The following ERMAP variants were observed in gnomAD, a reference collection of about 807,000 sequenced individuals.
ERMAP encodes erythroblast membrane associated protein (Scianna blood group).
In ERMAP, 34 loss-of-function variants were observed where a neutral mutation model predicts 49.5. The observed-to-expected ratio is 0.69, with a 90% CI of 0.52 to 0.91. ERMAP has a LOEUF of 0.91. Among genes scored for constraint, ERMAP ranks in the 40% least tolerant of loss-of-function variants. The pLI is 0.00. For missense variants in ERMAP, 541 were observed against 582.6 expected (o/e 0.93, Z 0.74); for synonymous variants, 214 against 232.2 (o/e 0.92, Z 0.71).
At chr1:42,830,328 G>A (rs534605157) in intron 2 of ERMAP, 116 bp from the exon 3 acceptor site, 27 of 834,260 alleles carry the variant, frequency 3.2e-5, no homozygotes, top group South Asian at 2.1e-4. Flanking sequence ...TTGGAGCCCC[G>A]GCCTTTGTGA....
intron 3 of ERMAP, 68 bp downstream of exon 3, chr1:42,830,601 T>A (rs1402343851): frequency 3.2e-6 from 5 of 1,561,504 alleles, no homozygotes; most frequent in Non-Finnish European, 4.4e-6. Flanking sequence ...ATAAGGAAGC[T>A]TGGCTGGAAA....
At chr1:42,838,989 TCA>T (rs1350559021) in intron 8 of ERMAP, 68 bp downstream of exon 8, 1 of 1,612,932 alleles carries the variant, frequency 6.2e-7, no homozygotes, top group Admixed American at 1.7e-5. Flanking sequence ...GATGAGCATC[TCA>T]GTTTCACTTC....
In ERMAP at chr1:42,835,053, GTC is replaced by G; in HGVS notation, c.454_455del (p.Ser152ProfsTer37). The G allele has an allele frequency of 6.8e-7, 1 of 1,466,504 alleles. No homozygotes were observed. Among genetic ancestry groups the G allele is most frequent in the Non-Finnish European group, 9.6e-7 (1 of 1,045,056 alleles). The allele number at this position is 1,466,504 out of a possible 1,614,324, so 90.8% of individuals were successfully genotyped here. A position where few individuals can be genotyped will look rare whatever the true frequency, so the allele number is the denominator to read the frequency against. ...TCTGTTTCAGCCCCATCTGTGGGGA[GTC>G]TCTCCCCCTCAGCAGTGGCTCTGGC... On this transcript the variant is annotated frameshift_variant, in exon 5 of 12. Transcript: ENST00000372517. LOFTEE classifies it high-confidence loss of function.
Position 42,817,153 on chromosome 1 carries a change from G to A in ERMAP, c.-222G>A, listed in dbSNP as rs1247852044. 1.1e-5 allele frequency: 13 copies of A among 1,199,762 alleles called. No homozygotes were observed. The highest frequency in any genetic ancestry group is 3.3e-5 in the African/African-American group (2 of 61,026). The allele number at this position is 1,199,762 out of a possible 1,614,324, so 74.3% of individuals were successfully genotyped here. A position where few individuals can be genotyped will look rare whatever the true frequency, so the allele number is the denominator to read the frequency against. On this transcript the variant is annotated 5_prime_UTR_variant, in exon 1 of 12. Transcript: ENST00000372517. The stretch of plus-strand genomic sequence containing the variant: ...CCTCTCCTGGAGGAAAATGGCGGTC[G>A]CTGGAGCCGCCGACCAAGAGGCTTG...
chr1:42,839,656 CATTA>C, intron 8 of ERMAP: 3 of 285,446 alleles, frequency 1.1e-5, no homozygotes, highest in East Asian at 1.4e-4. Flanking sequence ...CATATCTATG[CATTA>C]ATTATTACAT....
rs371514846 is a variant in ERMAP, at chr1:42,843,143, C to G, written c.1339C>G (p.Pro447Ala). The G allele has an allele frequency of 2.5e-6, 4 of 1,614,178 alleles. No homozygotes were observed. The highest frequency in any genetic ancestry group is 1.7e-6 in the Non-Finnish European group (2 of 1,180,042). ...CAAGGTGAACTCTTCTTTACTACCC[C>G]CGAAGGCCCCAGAGCTGAAGGATAT... is the stretch of plus-strand genomic sequence containing the variant. ...SLKVNSSLLP[P>A]KAPELKDIIL... Residue 447 changes from proline to alanine, a missense_variant, in exon 12 of 12, where the codon CCG becomes GCG. Physicochemically the swap from Pro to Ala is conservative, Grantham distance 27. Coordinates refer to ENST00000372517, the MANE Select transcript of ERMAP (RefSeq NM_001017922.2).
At chr1:42,821,691 T>G (rs1241269905) in intron 1 of ERMAP, among the ~76,000 whole-genome samples, 2 of 152,150 alleles carry the variant, frequency 1.3e-5, no homozygotes, top group Non-Finnish European at 2.9e-5. Flanking sequence ...TTTATATGAG[T>G]TATATTTTTT....
At position 42,843,546 on chromosome 1, in the gene ERMAP, A is replaced by T. The variant is rs779202089; in HGVS notation, c.*314A>T. 2.5e-5 allele frequency: 6 copies of T among 235,670 alleles called. No homozygotes were observed. The highest frequency in any genetic ancestry group is 5.4e-5 in the Admixed American group (1 of 18,596). The allele number at this position is 235,670 out of a possible 1,614,324, so 14.6% of individuals were successfully genotyped here. ...TTCAGGGAAAAGAGTTCGCTACTCC[A>T]GGGGTTATTTAGAAGACACTTTCTC... is the stretch of plus-strand genomic sequence containing the variant. On this transcript the variant is annotated 3_prime_UTR_variant, in exon 12 of 12. Transcript: ENST00000372517.
chr1:42,826,482 A>G (rs1461355364), intron 2 of ERMAP, among the ~76,000 whole-genome samples: 1 of 152,124 alleles, frequency 6.6e-6, no homozygotes, highest in Non-Finnish European at 1.5e-5. Flanking sequence ...TCTGGAGGGC[A>G]ATTTGTCAGT....
chr1:42,831,094 A>G lies in ERMAP; in HGVS notation c.412A>G (p.Thr138Ala), dbSNP rs200923604. 4.0e-5 allele frequency: 64 copies of G among 1,614,224 alleles called. No homozygotes were observed. The East Asian group carries it at 1.4e-3, about 35-fold the overall frequency. Reference sequence around the variant, plus strand: ...AGTTGGAAATCTGAGTAAAGAGGACACCGTGATCCTGCAGGTTGCAGGTTA... The same window carrying G: ...AGTTGGAAATCTGAGTAAAGAGGACGCCGTGATCCTGCAGGTTGCAGGTTA... ...IQVGNLSKED[T>A]VILQVAAPSV... The change falls in exon 4 of 12, where the codon ACC becomes GCC. Residue 138 changes from threonine to alanine, a missense_variant. Coordinates refer to ENST00000372517, the MANE Select transcript of ERMAP (RefSeq NM_001017922.2).
At chr1:42,824,188 C>CA (rs571498932) in intron 1 of ERMAP, among the ~76,000 whole-genome samples, 55,112 of 147,446 alleles carry the variant, frequency 0.37, 10,208 homozygotes, top group Non-Finnish European at 0.39. Flanking sequence ...ACTAAAAATA[C>CA]AAAAAAAAAA....
intron 6 of ERMAP, 42 bp from the exon 7 acceptor site, chr1:42,837,116 C>A: frequency 1.2e-6 from 2 of 1,611,696 alleles, no homozygotes; most frequent in African/African-American, 2.7e-5. Flanking sequence ...ATCCTCAAGG[C>A]AGTGGCAAAA....
intron 7 of ERMAP, chr1:42,837,761 T>C (rs1026715133): frequency 6.6e-6 from 1 of 152,348 alleles, no homozygotes; most frequent in African/African-American, 2.4e-5. Context: ...TTTGTCTTCA[T>C]TAATTTGACA....
At chr1:42,840,915 T>C (rs1213438687) in intron 11 of ERMAP, among the ~76,000 whole-genome samples, 3 of 152,186 alleles carry the variant, frequency 2.0e-5, no homozygotes, top group South Asian at 2.1e-4. Flanking sequence ...GGGGTGGTGA[T>C]TGAGATTCTC....
chr1:42,817,331 C>CG (rs965481002), intron 1 of ERMAP, 78 bp downstream of exon 1: 5 of 1,053,210 alleles, frequency 4.7e-6, no homozygotes, highest in Non-Finnish European at 4.9e-6. Context: ...GGCCGCGCGC[C>CG]GGGGGGAGGG....
In ERMAP at chr1:42,819,115, GAGA is replaced by G. The variant is rs1654333038; in HGVS notation, c.-122+1865_-122+1867del. ...TGCCACTGAGCCACTGTTGAAAGTGGAGAAGGTGTGATGAGTTGGTTTGGGAAA... is the reference window on the plus strand; with the variant it reads ...TGCCACTGAGCCACTGTTGAAAGTGGAGGTGTGATGAGTTGGTTTGGGAAA... On this transcript the variant is annotated intron_variant, in intron 1 of 11. Transcript: ENST00000372517. This position sits in a 1 kb window ranked among gnomAD's most constrained non-coding sequence, Gnocchi z 5.1. 6.6e-6 allele frequency among the ~76,000 whole-genome samples: 1 copy of G among 151,950 alleles called. No individual in the cohort carries two copies. The highest frequency in any genetic ancestry group is 1.5e-5 in the Non-Finnish European group (1 of 68,022).
At chr1:42,821,563 T>A (rs1279523479) in intron 1 of ERMAP, among the ~76,000 whole-genome samples, 1 of 152,238 alleles carries the variant, frequency 6.6e-6, no homozygotes, top group Non-Finnish European at 1.5e-5. Flanking sequence ...TATAAATTGG[T>A]ACAATTACTT....
intron 1 of ERMAP, among the ~76,000 whole-genome samples, chr1:42,820,037 CT>C (rs1318756301): frequency 6.6e-6 from 1 of 152,200 alleles, no homozygotes; most frequent in Admixed American, 6.5e-5. Flanking sequence ...CCTTGCTTGT[CT>C]AAAAATGGCT....
Position 42,844,333 on chromosome 1 carries a change from A to C in ERMAP, c.*1101A>C, listed in dbSNP as rs1010800708. The C allele has an allele frequency of 5.1e-6, 2 of 388,790 alleles. No individual in the cohort carries two copies. The highest frequency in any genetic ancestry group is 7.3e-5 in the East Asian group (2 of 27,366). 24.1% of individuals were successfully genotyped at this position (388,790 alleles called of 1,614,324 possible). ...ATCATATATGCGATCTGGCCTAACC[A>C]TGGAGATATTGGTTATCAGTTTGCA... On this transcript the variant is annotated 3_prime_UTR_variant, in exon 12 of 12. Transcript: ENST00000372517. The surrounding 1 kb of genome is among the most constrained non-coding windows in gnomAD (Gnocchi z 4.0).
Sources: gnomAD v4.1 joint callset for allele counts (sites outside exome capture counted in the v4.1 genomes callset) on GRCh38, gnomAD v4.1.1 for gene constraint, Gnocchi (gnomAD v3.1) non-coding constraint, MANE v1.5 for transcripts, NCBI Gene and HGNC (gene_info 2026-07-23, HGNC 2026-07-21) for gene names.